Variants in AGAP1 observed in about 807,000 individuals in gnomAD.
The protein encoded by AGAP1 is ArfGAP with GTPase domain, ankyrin repeat and PH domain 1, also known as arf-GAP with GTPase, ANK repeat and PH domain-containing protein 1.
Under a neutral mutation model 105.3 loss-of-function variants are expected in AGAP1, and 29 were observed. The ratio of observed to expected loss-of-function variants is 0.28; its 90% CI spans 0.21 to 0.38. The LOEUF is 0.38. AGAP1 is among the 10% of genes least tolerant of loss of function. The pLI is 1.00. For synonymous variants in AGAP1, 509 were observed against 485.9 expected (o/e 1.05, Z -0.63); for missense variants, 998 against 1,165.1 (o/e 0.86, Z 2.09).
intron 1 of AGAP1, among the ~76,000 whole-genome samples, chr2:235,576,865 T>A (rs975922938): frequency 5.9e-5 from 9 of 152,202 alleles, no homozygotes; most frequent in Non-Finnish European, 1.3e-4. Flanking sequence ...TCTGGACCCA[T>A]CATGGGACAA....
At position 236,001,164 on chromosome 2, in the gene AGAP1, G is replaced by A. The variant is rs914153624; in HGVS notation, c.1645+32541G>A. On this transcript the variant is annotated intron_variant, in intron 13 of 17. Transcript: ENST00000304032. This position sits in a 1 kb window ranked among gnomAD's most constrained non-coding sequence, Gnocchi z 4.7. ...AGACTCTGGCGGTGGCTGGGGCAGC[G>A]CGGCTGTGGGGCAGAGAATGCTGAG... Among the ~76,000 whole-genome samples the A allele has an allele frequency of 1.3e-5, 2 of 152,130 alleles. No individual in the cohort carries two copies. Among genetic ancestry groups the A allele is most frequent in the Non-Finnish European group, 2.9e-5 (2 of 68,032 alleles).
chr2:235,854,467 A>G (rs2048601817), intron 9 of AGAP1, among the ~76,000 whole-genome samples: 1 of 152,108 alleles, frequency 6.6e-6, no homozygotes, highest in Admixed American at 6.5e-5. Context: ...CCTGCTGGCT[A>G]TTTGCCCTTC....
At chr2:235,503,843 G>A (rs1349739470) in intron 1 of AGAP1, among the ~76,000 whole-genome samples, 1 of 152,126 alleles carries the variant, frequency 6.6e-6, no homozygotes, top group Admixed American at 6.5e-5. Context: ...CAATCCACCT[G>A]CCTCAGCCTC....
intron 10 of AGAP1, among the ~76,000 whole-genome samples, chr2:235,898,322 A>G (rs1340719293): frequency 6.6e-6 from 1 of 151,898 alleles, no homozygotes; most frequent in Non-Finnish European, 1.5e-5. Flanking sequence ...CTTGCATTTT[A>G]GCAATTTTGT....
chr2:235,588,927 C>T (rs950399606), intron 1 of AGAP1, among the ~76,000 whole-genome samples: 3 of 152,238 alleles, frequency 2.0e-5, no homozygotes, highest in South Asian at 2.1e-4. Flanking sequence ...GAGAATTTTG[C>T]CTGGCCCCTA....
chr2:235,852,402 G>T (rs145287104), intron 9 of AGAP1, among the ~76,000 whole-genome samples: 129 of 151,998 alleles, frequency 8.5e-4, no homozygotes, highest in Non-Finnish European at 1.6e-3. Context: ...GGGTGGAAAG[G>T]GGGGGGAACC....
chr2:235,784,473 A>T (rs1956483700), intron 6 of AGAP1, among the ~76,000 whole-genome samples: 3 of 152,060 alleles, frequency 2.0e-5, no homozygotes, highest in African/African-American at 7.3e-5. Flanking sequence ...CAAATGTGAA[A>T]TCTTGATCGG....
At chr2:236,112,243 C>T (rs2059665088) in intron 16 of AGAP1, among the ~76,000 whole-genome samples, 1 of 152,104 alleles carries the variant, frequency 6.6e-6, no homozygotes, top group Admixed American at 6.6e-5. Flanking sequence ...TGGCAAAAGC[C>T]CATCTCTACT....
rs1012063514 is a variant in AGAP1, at chr2:235,586,410, C to G, written c.163+91561C>G. 1.3e-5 allele frequency among the ~76,000 whole-genome samples: 2 copies of G among 152,198 alleles called. No individual in the cohort carries two copies. Among genetic ancestry groups the G allele is most frequent in the Non-Finnish European group, 1.5e-5 (1 of 68,040 alleles). On this transcript the variant is annotated intron_variant, in intron 1 of 17. Coordinates refer to ENST00000304032, the MANE Select transcript of AGAP1 (RefSeq NM_001037131.3). The surrounding 1 kb of genome is among the most constrained non-coding windows in gnomAD (Gnocchi z 4.2). ...GATGTTGAGCCTGAAGAGGCTGTGACCTCCCCAAATACTCGGACTCCCCTG... is the reference window on the plus strand; with the variant it reads ...GATGTTGAGCCTGAAGAGGCTGTGAGCTCCCCAAATACTCGGACTCCCCTG...
intron 4 of AGAP1, among the ~76,000 whole-genome samples, chr2:235,742,761 G>A (rs958263607): frequency 2.0e-5 from 3 of 152,270 alleles, no homozygotes; most frequent in East Asian, 1.9e-4. Flanking sequence ...TTGATTTTCC[G>A]TTTTCCCCAG....
chr2:235,783,963 T>TGGAC lies in AGAP1; in HGVS notation c.674-13780_674-13777dup, dbSNP rs151167254. ...AGTTGAATTGCATCAGAAAATGAAA[T>TGGAC]GGACGGACGGACGGACGGATGGACG... On this transcript the variant is annotated intron_variant, in intron 6 of 17. Transcript: ENST00000304032. Among the ~76,000 whole-genome samples, 31 of 151,838 alleles carry TGGAC rather than the reference T, an allele frequency of 2.0e-4. 1 individual carries two copies. The highest frequency in any genetic ancestry group is 6.3e-4 in the African/African-American group (26 of 41,468).
chr2:235,651,216 A>G (rs927625117), intron 1 of AGAP1, among the ~76,000 whole-genome samples: 10 of 136,858 alleles, frequency 7.3e-5, no homozygotes, highest in South Asian at 2.4e-4. Context: ...AAAAAAAAAA[A>G]AGAGACACCC....
chr2:235,673,354 G>A (rs982684353), intron 1 of AGAP1, among the ~76,000 whole-genome samples: 38 of 152,212 alleles, frequency 2.5e-4, no homozygotes, highest in Non-Finnish European at 4.4e-5. Flanking sequence ...TAGAGCCCAA[G>A]CTCAGTTTCC....
intron 9 of AGAP1, among the ~76,000 whole-genome samples, chr2:235,857,202 G>A (rs2048721721): frequency 6.6e-6 from 1 of 152,180 alleles, no homozygotes; most frequent in Non-Finnish European, 1.5e-5. Context: ...CGTCAGATCA[G>A]CGGAGGCATT....
At position 236,092,365 on chromosome 2, in the gene AGAP1, C is replaced by G. The variant is rs573304805; in HGVS notation, c.2115-27827C>G. 1.3e-5 allele frequency among the ~76,000 whole-genome samples: 2 copies of G among 152,028 alleles called. No individual in the cohort carries two copies. The highest frequency in any genetic ancestry group is 2.9e-5 in the Non-Finnish European group (2 of 68,000). ...AAACCAGGTAAGGGGTACATGAGAT[C>G]TCTCTGTATTATTTCTTTTTCTTTT... On this transcript the variant is annotated intron_variant, in intron 16 of 17. Transcript: ENST00000304032. The surrounding 1 kb of genome is among the most constrained non-coding windows in gnomAD (Gnocchi z 4.7).
In AGAP1 at chr2:235,750,279, GTGT is replaced by G; in HGVS notation, c.539-71_539-69del. ...CTGCTGAGTAAGGTACTGGTTTTCCGTGTTGTGGGGAGTGTAGGAAGTATTTAG... is the reference window on the plus strand; with the variant it reads ...CTGCTGAGTAAGGTACTGGTTTTCCGTGTGGGGAGTGTAGGAAGTATTTAG... On this transcript the variant is annotated intron_variant, in intron 5 of 17. Transcript: ENST00000304032. The surrounding 1 kb of genome is among the most constrained non-coding windows in gnomAD (Gnocchi z 5.3). 2.5e-6 allele frequency: 4 copies of G among 1,587,432 alleles called. No homozygotes were observed. Among genetic ancestry groups the G allele is most frequent in the Non-Finnish European group, 3.5e-6 (4 of 1,158,516 alleles).
intron 9 of AGAP1, chr2:235,853,174 A>G: frequency 9.1e-7 from 1 of 1,099,310 alleles, no homozygotes; most frequent in Non-Finnish European, 1.1e-6. Flanking sequence ...GCAGTGGTAG[A>G]AACATAAAAC....
At chr2:235,948,296 C>T (rs1450259408) in intron 12 of AGAP1, among the ~76,000 whole-genome samples, 1 of 151,210 alleles carries the variant, frequency 6.6e-6, no homozygotes, top group East Asian at 1.9e-4. Context: ...GATCCTCCCA[C>T]CTCAGCCTCC....
chr2:235,794,089 G>C (rs989431454), intron 6 of AGAP1, among the ~76,000 whole-genome samples: 1 of 152,164 alleles, frequency 6.6e-6, no homozygotes, highest in African/African-American at 2.4e-5. Flanking sequence ...GCACCTGCCT[G>C]CTCTGCTCCC....
Sources: gnomAD v4.1 joint callset for allele counts (sites outside exome capture counted in the v4.1 genomes callset) on GRCh38, gnomAD v4.1.1 for gene constraint, Gnocchi (gnomAD v3.1) non-coding constraint, MANE v1.5 for transcripts, NCBI Gene and HGNC (gene_info 2026-07-23, HGNC 2026-07-21) for gene names.